The following KCNN1 variants were observed in gnomAD, a reference collection of about 807,000 sequenced individuals.
KCNN1 encodes the protein potassium calcium-activated channel subfamily N member 1.
In KCNN1, 20 loss-of-function variants were observed where a neutral mutation model predicts 44.7. That is an observed-to-expected ratio of 0.45 (90% CI 0.32 to 0.65). The LOEUF is 0.65. Among genes scored for constraint, KCNN1 ranks in the 30% least tolerant of loss-of-function variants. The pLI is 0.05. For missense variants in KCNN1, 632 were observed against 785.3 expected, an observed-to-expected ratio of 0.80 and a Z score of 2.33; for synonymous variants, 324 against 341.7, an observed-to-expected ratio of 0.95 and a Z score of 0.57.
rs141868766 is a variant in KCNN1 at position 17,998,965 on chromosome 19, G to T, written c.*559G>T. 5.5e-3 allele frequency: 840 copies of T among 152,562 alleles called. 12 individuals are homozygous for T. The highest frequency in any genetic ancestry group is 0.019 in the African/African-American group (807 of 41,574). The allele number at this position is 152,562 out of a possible 1,614,324, so 9.5% of individuals were successfully genotyped here. On this transcript the variant is annotated 3_prime_UTR_variant, in exon 10 of 10. Coordinates refer to ENST00000684775, the MANE Select transcript of KCNN1 (RefSeq NM_001386974.1). The surrounding 1 kb of genome is among the most constrained non-coding windows in gnomAD (Gnocchi z 5.4). ...TGGCCCAGCCCTGGCCAGAAGCATCGCTCCCCTTCAACCAACCGCGTTGAT... is the reference window on the plus strand; with the variant it reads ...TGGCCCAGCCCTGGCCAGAAGCATCTCTCCCCTTCAACCAACCGCGTTGAT...
intron 2 of KCNN1, among the ~76,000 whole-genome samples, chr19:17,959,189 T>G (rs898587195): frequency 3.3e-5 from 5 of 151,946 alleles, no homozygotes; most frequent in African/African-American, 1.2e-4. Context: ...CACACCCAGC[T>G]AATTTTTTGT....
At chr19:17,996,733 G>T (rs2033006482) in intron 9 of KCNN1, among the ~76,000 whole-genome samples, 1 of 152,260 alleles carries the variant, frequency 6.6e-6, no homozygotes, top group South Asian at 2.1e-4. Flanking sequence ...GCCTGAGAGA[G>T]GCCAGGGTAA....
rs750594583 is a variant in KCNN1, at chr19:17,993,605, CCG to C, written c.1377+47_1377+48del. 1.2e-5 allele frequency: 19 copies of C among 1,537,936 alleles called. No homozygotes were observed. The highest frequency in any genetic ancestry group is 1.5e-5 in the Non-Finnish European group (17 of 1,111,490). On this transcript the variant is annotated intron_variant, in intron 9 of 9. Coordinates refer to ENST00000684775, the MANE Select transcript of KCNN1 (RefSeq NM_001386974.1). This position sits in a 1 kb window ranked among gnomAD's most constrained non-coding sequence, Gnocchi z 4.5. ...TGGGCCAGACAGGGCAGGTGGGGCC[CCG>C]GAGCAGATGGGATGGGGCTCAGCTC...
chr19:17,964,109 A>C (rs575194892), upstream of KCNN1, among the ~76,000 whole-genome samples: 1 of 151,544 alleles, frequency 6.6e-6, no homozygotes, highest in East Asian at 1.9e-4. This position sits in a 1 kb window ranked among gnomAD's most constrained non-coding sequence, Gnocchi z 4.3. Flanking sequence ...GGATATGTGA[A>C]TGAATGAATG....
At chr19:17,955,902 C>CT (rs574401835) in intron 2 of KCNN1, among the ~76,000 whole-genome samples, 31 of 145,128 alleles carry the variant, frequency 2.1e-4, no homozygotes, top group African/African-American at 2.3e-4. Flanking sequence ...CTCCAGTGAA[C>CT]TTTTTTTTTT....
intron 5 of KCNN1, among the ~76,000 whole-genome samples, chr19:17,988,010 C>T (rs777943379): frequency 1.2e-4 from 18 of 151,082 alleles, no homozygotes; most frequent in Non-Finnish European, 2.2e-4. Flanking sequence ...ACACAATTAG[C>T]GGGATGTGGT....
At chr19:17,984,456 C>T (rs753674387) in intron 4 of KCNN1, among the ~76,000 whole-genome samples, 1 of 152,170 alleles carries the variant, frequency 6.6e-6, no homozygotes, top group Non-Finnish European at 1.5e-5. Flanking sequence ...CAGAGGCTGG[C>T]TTGGGGCTCA....
At chr19:17,977,422 G>C in intron 3 of KCNN1, among the ~76,000 whole-genome samples, 1 of 151,584 alleles carries the variant, frequency 6.6e-6, no homozygotes, top group South Asian at 2.1e-4. Flanking sequence ...GATCACTGCA[G>C]CCTCGACATC....
intron 3 of KCNN1, 137 bp from the exon 4 acceptor site, chr19:17,981,572 A>T: frequency 1.4e-6 from 1 of 702,834 alleles, no homozygotes; most frequent in Non-Finnish European, 2.2e-6. Context: ...AAAAAAAGAA[A>T]GAAAGAAAGA....
intron 9 of KCNN1, among the ~76,000 whole-genome samples, chr19:17,994,168 G>T (rs540025164): frequency 1.1e-4 from 16 of 152,112 alleles, no homozygotes; most frequent in African/African-American, 3.4e-4. Flanking sequence ...GGGCCAGCTG[G>T]GTTCAATGGG....
intron 3 of KCNN1, among the ~76,000 whole-genome samples, chr19:17,976,270 T>C (rs2032201130): frequency 6.6e-6 from 1 of 151,758 alleles, no homozygotes; most frequent in Non-Finnish European, 1.5e-5. Context: ...ATCGAACCAT[T>C]GCACTCCAGC....
At chr19:17,963,925 C>T (rs1014293611), upstream of KCNN1, among the ~76,000 whole-genome samples, 6 of 152,166 alleles carry the variant, frequency 3.9e-5, no homozygotes, top group African/African-American at 1.4e-4. Context: ...GACAGGGTCT[C>T]GCTATGTTGC....
Position 17,993,428 on chromosome 19 carries a change from C to A in KCNN1, c.1308-62C>A, listed in dbSNP as rs141588382. On this transcript the variant is annotated intron_variant, in intron 8 of 9. Coordinates refer to ENST00000684775, the MANE Select transcript of KCNN1 (RefSeq NM_001386974.1). This position sits in a 1 kb window ranked among gnomAD's most constrained non-coding sequence, Gnocchi z 4.5. ...CCGGGTGGGTGCATGAAAGTCCCTG[C>A]CCCCACTGCAGCCTCCACGGGAACC... The A allele has an allele frequency of 3.2e-6, 4 of 1,266,008 alleles. No homozygotes were observed. The highest frequency in any genetic ancestry group is 4.6e-6 in the Non-Finnish European group (4 of 878,120). The allele number at this position is 1,266,008 out of a possible 1,614,324, so 78.4% of individuals were successfully genotyped here. A position where few individuals can be genotyped will look rare whatever the true frequency, so the allele number is the denominator to read the frequency against.
At chr19:17,952,724 C>A (rs1395092730) in intron 1 of KCNN1, among the ~76,000 whole-genome samples, 2 of 152,192 alleles carry the variant, frequency 1.3e-5, no homozygotes, top group Non-Finnish European at 1.5e-5. Context: ...TTTCTCCTTG[C>A]GTTGTGGCGG....
chr19:17,996,740 G>A (rs1430767133), intron 9 of KCNN1, among the ~76,000 whole-genome samples: 1 of 152,244 alleles, frequency 6.6e-6, no homozygotes, highest in East Asian at 1.9e-4. Context: ...AGAGGCCAGG[G>A]TAAGGTCAGT....
intron 4 of KCNN1, chr19:17,982,557 C>T (rs935883336): frequency 2.0e-6 from 2 of 985,394 alleles, no homozygotes; most frequent in Non-Finnish European, 2.4e-6. Flanking sequence ...GCCCGCTCCA[C>T]TGGACTTTAG....
chr19:17,990,022 T>C (rs1232190690), intron 7 of KCNN1, 179 bp downstream of exon 7: 1 of 800,758 alleles, frequency 1.2e-6, no homozygotes, highest in African/African-American at 1.7e-5. Flanking sequence ...GATGATGGGG[T>C]CTGCTAAATC....
chr19:17,978,085 G>T (rs981465509), intron 3 of KCNN1, among the ~76,000 whole-genome samples: 7 of 151,720 alleles, frequency 4.6e-5, no homozygotes, highest in African/African-American at 1.5e-4. Context: ...CACTTTAAAT[G>T]GGAGAATTAT....
chr19:17,967,102 C>T (rs901178865), upstream of KCNN1: 3 of 980,180 alleles, frequency 3.1e-6, no homozygotes, highest in East Asian at 1.2e-4. Context: ...TCTCCCGGCC[C>T]GGGCGGGCGC....
Sources: gnomAD v4.1 joint callset for allele counts (sites outside exome capture counted in the v4.1 genomes callset) on GRCh38, gnomAD v4.1.1 for gene constraint, Gnocchi (gnomAD v3.1) non-coding constraint, MANE v1.5 for transcripts, NCBI Gene and HGNC (gene_info 2026-07-23, HGNC 2026-07-21) for gene names.